Variants in AGBL4 observed in about 807,000 individuals in gnomAD.
AGBL4 encodes AGBL carboxypeptidase 4, also known as cytosolic carboxypeptidase 6.
AGBL4 carries 58 observed loss-of-function variants against 66.4 expected under a neutral mutation model. The observed-to-expected ratio is 0.87, with a 90% CI of 0.71 to 1.09. The LOEUF is 1.09. Among genes scored for constraint, AGBL4 ranks in the 50% least tolerant of loss-of-function variants. AGBL4 has a pLI of 0.00. For missense variants in AGBL4, 579 were observed against 631.0 expected (o/e 0.92, Z 0.88); for synonymous variants, 234 against 222.9 (o/e 1.05, Z -0.44).
intron 1 of AGBL4, among the ~76,000 whole-genome samples, chr1:49,892,898 T>C (rs568090489): frequency 6.6e-6 from 1 of 152,324 alleles, no homozygotes; most frequent in East Asian, 1.9e-4. Flanking sequence ...AGTCTGCTAC[T>C]GACTACTCCT....
At chr1:49,431,199 A>G (rs1056428730) in intron 3 of AGBL4, among the ~76,000 whole-genome samples, 1 of 152,184 alleles carries the variant, frequency 6.6e-6, no homozygotes, top group Non-Finnish European at 1.5e-5. Flanking sequence ...TTTAGAAGAC[A>G]CTGCCAAATA....
chr1:49,842,904 C>T (rs889288965), intron 2 of AGBL4, among the ~76,000 whole-genome samples: 3 of 152,148 alleles, frequency 2.0e-5, no homozygotes, highest in Admixed American at 1.3e-4. Flanking sequence ...ATAGTAAAAG[C>T]ACTCTGACCT....
intron 6 of AGBL4, among the ~76,000 whole-genome samples, chr1:48,862,416 G>T (rs1647561300): frequency 6.6e-6 from 1 of 152,170 alleles, no homozygotes; most frequent in South Asian, 2.1e-4. Context: ...CTGCCTCCCA[G>T]GTTCACGCCA....
At position 48,609,993 on chromosome 1, in the gene AGBL4, T is replaced by C. The variant is rs1286823397; in HGVS notation, c.952-19008A>G. ...AAAAGAGAACTGGACTTGAACCCTG[T>C]TCCCCCACTTACTAGCTGCATCATT... On this transcript the variant is annotated intron_variant, in intron 9 of 13. Transcript: ENST00000371839. Among the ~76,000 whole-genome samples, 4 of 152,342 alleles carry C rather than the reference T, an allele frequency of 2.6e-5. No individual in the cohort carries two copies. The South Asian group carries it at 8.3e-4, about 32-fold the overall frequency.
chr1:48,958,725 C>T (rs1380059163), intron 5 of AGBL4, among the ~76,000 whole-genome samples: 1 of 152,200 alleles, frequency 6.6e-6, no homozygotes, highest in African/African-American at 2.4e-5. Flanking sequence ...AAGCTTAGAC[C>T]ACTCCTCATA....
chr1:49,720,195 A>ATCCAAAT (rs1213710929), intron 2 of AGBL4, among the ~76,000 whole-genome samples: 2 of 152,074 alleles, frequency 1.3e-5, no homozygotes, highest in Admixed American at 6.6e-5. Flanking sequence ...AAAATCCAAA[A>ATCCAAAT]TCCAAAAAAT....
At chr1:48,972,868 C>T (rs12034938) in intron 5 of AGBL4, among the ~76,000 whole-genome samples, 6,439 of 152,228 alleles carry the variant, frequency 0.042, 180 homozygotes, top group East Asian at 0.074. Flanking sequence ...CTGTTTGTTA[C>T]GCAGTAAGGG....
intron 2 of AGBL4, among the ~76,000 whole-genome samples, chr1:49,718,212 G>A (rs1648312662): frequency 6.6e-6 from 1 of 152,054 alleles, no homozygotes; most frequent in African/African-American, 2.4e-5. Context: ...TCCCCTTGGT[G>A]AGAAGTGAGT....
At chr1:49,445,182 C>T (rs1646126736) in intron 3 of AGBL4, among the ~76,000 whole-genome samples, 1 of 151,762 alleles carries the variant, frequency 6.6e-6, no homozygotes, top group Admixed American at 6.6e-5. Flanking sequence ...TTGAATACAT[C>T]ATTACATTTT....
At chr1:48,694,811 C>A (rs1432736251) in intron 6 of AGBL4, among the ~76,000 whole-genome samples, 1 of 152,022 alleles carries the variant, frequency 6.6e-6, no homozygotes, top group African/African-American at 2.4e-5. Context: ...ACTCAGCTGC[C>A]CGACCCCCAA....
intron 3 of AGBL4, among the ~76,000 whole-genome samples, chr1:49,441,064 G>T (rs1646018006): frequency 6.6e-6 from 1 of 151,902 alleles, no homozygotes; most frequent in South Asian, 2.1e-4. Flanking sequence ...GCAAAATAAT[G>T]TTCATTCTCT....
chr1:49,844,624 T>C, intron 2 of AGBL4: 13 of 1,459,146 alleles, frequency 8.9e-6, no homozygotes, highest in Non-Finnish European at 1.2e-5. Context: ...CCTCTTCCCA[T>C]CTCACCACAA....
In AGBL4 at chr1:49,805,466, G is replaced by C. The variant is rs199567857; in HGVS notation, c.157+45930C>G. The stretch of plus-strand genomic sequence containing the variant: ...GAAGTAGTAACTTATGAGGTTGTGG[G>C]GCAAAGAGAAAGATTTTTAAAGATA... On this transcript the variant is annotated intron_variant, in intron 2 of 13. Coordinates refer to ENST00000371839, the MANE Select transcript of AGBL4 (RefSeq NM_032785.4). Among the ~76,000 whole-genome samples the C allele has an allele frequency of 3.9e-5, 6 of 152,144 alleles. No homozygotes were observed. The East Asian group carries it at 1.2e-3, about 29-fold the overall frequency.
At chr1:49,104,736 A>G (rs1645262146) in intron 4 of AGBL4, among the ~76,000 whole-genome samples, 1 of 152,144 alleles carries the variant, frequency 6.6e-6, no homozygotes, top group Admixed American at 6.5e-5. Context: ...CCTCTCCTAT[A>G]ATACATCACT....
chr1:49,369,094 A>G (rs1368457970), intron 3 of AGBL4, among the ~76,000 whole-genome samples: 1 of 152,140 alleles, frequency 6.6e-6, no homozygotes, highest in Non-Finnish European at 1.5e-5. Context: ...AGAAAAAGAG[A>G]AAAAAGAAAA....
chr1:49,395,554 G>A (rs1000030606), intron 3 of AGBL4, among the ~76,000 whole-genome samples: 1 of 150,422 alleles, frequency 6.6e-6, no homozygotes, highest in African/African-American at 2.4e-5. Context: ...GTGTGTGTGT[G>A]TGTGTGTGTG....
At chr1:49,153,900 T>TA (rs1557684342) in intron 4 of AGBL4, among the ~76,000 whole-genome samples, 1 of 152,200 alleles carries the variant, frequency 6.6e-6, no homozygotes, top group East Asian at 1.9e-4. Flanking sequence ...TTAACCCCTC[T>TA]AAACCCCAGA....
chr1:49,187,138 GAC>G (rs2148198421), intron 4 of AGBL4: 1 of 152,164 alleles, frequency 6.6e-6, no homozygotes, highest in Admixed American at 6.5e-5. Flanking sequence ...TTTTTGTTAA[GAC>G]ACAGCAGCCT....
intron 3 of AGBL4, among the ~76,000 whole-genome samples, chr1:49,392,348 T>C (rs1269515586): frequency 6.6e-6 from 1 of 152,190 alleles, no homozygotes; most frequent in African/African-American, 2.4e-5. Flanking sequence ...GTATAACAGC[T>C]GGCAGAGCCC....
Sources: allele counts gnomAD v4.1 joint callset (sites outside exome capture counted in the v4.1 genomes callset), GRCh38; gene constraint gnomAD v4.1.1; transcripts MANE v1.5; gene names NCBI Gene and HGNC (gene_info 2026-07-23, HGNC 2026-07-21).